ZMYM2: variants seen among roughly 807,000 people sequenced by gnomAD.
ZMYM2 encodes the protein zinc finger MYM-type protein 2.
A neutral mutation model predicts 162.8 loss-of-function variants in ZMYM2; 56 were observed. The ratio of observed to expected loss-of-function variants is 0.34; its 90% CI spans 0.28 to 0.43. The LOEUF (loss-of-function observed/expected upper bound fraction) is 0.43. Ranked by LOEUF, ZMYM2 falls within the 20% of genes least tolerant of loss-of-function variation. The probability of loss-of-function intolerance (pLI) is 1.00; values close to 1 mark genes in which losing one functional copy is unlikely to be tolerated. For missense variants in ZMYM2, 1,275 were observed against 1,621.8 expected, an observed-to-expected ratio of 0.79 and a Z score of 3.67; for synonymous variants, 510 against 541.6, an observed-to-expected ratio of 0.94 and a Z score of 0.81.
intron 3 of ZMYM2, among the ~76,000 whole-genome samples, chr13:19,997,747 CAATT>C (rs1950123588): frequency 1.3e-5 from 2 of 152,196 alleles, no homozygotes; most frequent in South Asian, 4.1e-4. Context: ...CGCTGAGAAT[CAATT>C]AATTAATAGT....
At chr13:19,911,994 A>G in the ZMYM2 span, among the ~76,000 whole-genome samples, 1 of 152,234 alleles carries the variant, frequency 6.6e-6, no homozygotes, top group Non-Finnish European at 1.5e-5. Flanking sequence ...CTGTGCCAGA[A>G]GACAGAGGAT....
At chr13:19,907,882 T>C in the ZMYM2 span, among the ~76,000 whole-genome samples, 4 of 151,620 alleles carry the variant, frequency 2.6e-5, no homozygotes, top group Non-Finnish European at 2.9e-5. Context: ...TTAGGTCTAA[T>C]AGGGCTGAGA....
chr13:19,980,138 A>T (rs1957184116), intron 2 of ZMYM2, among the ~76,000 whole-genome samples: 2 of 151,926 alleles, frequency 1.3e-5, no homozygotes, highest in Non-Finnish European at 2.9e-5. Flanking sequence ...TTAAGACTTT[A>T]TCTTGTATTA....
rs559752746 is a variant in ZMYM2, at chr13:19,969,318, C to A, written c.-11+9292C>A. Among the ~76,000 whole-genome samples the A allele has an allele frequency of 4.1e-4, 63 of 152,262 alleles. 1 individual carries two copies. The South Asian group carries it at 7.9e-3, about 19-fold the overall frequency. ...GCCAGTTCACTAGTCTTAGTTCTAG[C>A]TGATGGGAAGATAATGTGGTATAAT... On this transcript the variant is annotated intron_variant, in intron 2 of 24. Coordinates refer to ENST00000610343, the MANE Select transcript of ZMYM2 (RefSeq NM_197968.4).
chr13:20,060,401 A>T (rs185712818), intron 16 of ZMYM2, among the ~76,000 whole-genome samples: 76 of 152,246 alleles, frequency 5.0e-4, no homozygotes, highest in African/African-American at 1.8e-3. Flanking sequence ...TTTGTGGGCC[A>T]TGTGCAGTGG....
chr13:20,030,574 A>AT (rs1270700020), intron 9 of ZMYM2, among the ~76,000 whole-genome samples: 1 of 151,834 alleles, frequency 6.6e-6, no homozygotes. Context: ...AATTTTTTGT[A>AT]TTTTTAGTAG....
intron 2 of ZMYM2, among the ~76,000 whole-genome samples, chr13:19,990,437 G>A (rs1203470026): frequency 6.6e-6 from 1 of 152,084 alleles, no homozygotes; most frequent in African/African-American, 2.4e-5. Context: ...TCTTTGCCTG[G>A]AATATCCTGT....
At chr13:20,063,648 G>A (rs889832810) in intron 18 of ZMYM2, among the ~76,000 whole-genome samples, 2 of 150,230 alleles carry the variant, frequency 1.3e-5, no homozygotes, top group African/African-American at 4.9e-5. Flanking sequence ...GGGCGTGGTG[G>A]TGAGTGCCTG....
chr13:20,050,443 A>C (rs1333505580), intron 12 of ZMYM2, among the ~76,000 whole-genome samples: 3 of 152,066 alleles, frequency 2.0e-5, no homozygotes, highest in East Asian at 3.8e-4. Context: ...ACTACGAACT[A>C]CAAAATACTT....
At chr13:20,051,100 A>G (rs1955283524) in intron 12 of ZMYM2, among the ~76,000 whole-genome samples, 1 of 152,100 alleles carries the variant, frequency 6.6e-6, no homozygotes, top group African/African-American at 2.4e-5. Flanking sequence ...GTAGGAGACA[A>G]TTCTACCAGT....
intron 14 of ZMYM2, 66 bp downstream of exon 14, chr13:20,052,377 C>G: frequency 7.0e-7 from 1 of 1,430,032 alleles, no homozygotes; most frequent in Non-Finnish European, 9.5e-7. Context: ...AATAATTAGG[C>G]CAATTTAATG....
chr13:19,984,007 AT>A (rs1408314238), intron 2 of ZMYM2, among the ~76,000 whole-genome samples: 1 of 152,222 alleles, frequency 6.6e-6, no homozygotes, highest in African/African-American at 2.4e-5. Flanking sequence ...ATACTGACTT[AT>A]AATACTCTTT....
chr13:19,929,574 G>C, the ZMYM2 span, among the ~76,000 whole-genome samples: 1 of 152,124 alleles, frequency 6.6e-6, no homozygotes, highest in Non-Finnish European at 1.5e-5. Context: ...TTAATATTTA[G>C]AGATTTTTCC....
the ZMYM2 span, among the ~76,000 whole-genome samples, chr13:19,876,695 G>A: frequency 2.0e-5 from 3 of 152,036 alleles, 1 homozygote; most frequent in South Asian, 4.2e-4. Context: ...TGTACAGTTC[G>A]ATGGTACTAA....
the ZMYM2 span, among the ~76,000 whole-genome samples, chr13:19,934,550 C>A: frequency 6.6e-6 from 1 of 152,166 alleles, no homozygotes; most frequent in African/African-American, 2.4e-5. Context: ...TGTCTCTAGA[C>A]TTAGCTCCAT....
intron 19 of ZMYM2, among the ~76,000 whole-genome samples, 175 bp downstream of exon 19, chr13:20,064,720 T>C (rs1475227): frequency 0.94 from 140,809 of 150,530 alleles, 66,016 homozygotes; most frequent in East Asian, 1. Flanking sequence ...TTTATTACTA[T>C]TATTTATTAC....
At chr13:19,930,856 A>G in the ZMYM2 span, among the ~76,000 whole-genome samples, 2 of 150,570 alleles carry the variant, frequency 1.3e-5, no homozygotes, top group African/African-American at 4.9e-5. Flanking sequence ...TTAATAATTT[A>G]AGGCCGGGCG....
At chr13:19,924,910 T>C in the ZMYM2 span, among the ~76,000 whole-genome samples, 1 of 148,990 alleles carries the variant, frequency 6.7e-6, no homozygotes, top group Non-Finnish European at 1.5e-5. Context: ...TGAGATGGAG[T>C]TTTGCTCTTG....
intron 2 of ZMYM2, among the ~76,000 whole-genome samples, chr13:19,975,894 A>ATGTATGTT (rs1956743502): frequency 1.4e-5 from 2 of 144,418 alleles, no homozygotes; most frequent in East Asian, 3.9e-4. Flanking sequence ...GTATGTATGT[A>ATGTATGTT]TGTATGTATG....
Sources: allele counts gnomAD v4.1 joint callset (sites outside exome capture counted in the v4.1 genomes callset), GRCh38; gene constraint gnomAD v4.1.1; transcripts MANE v1.5; gene names NCBI Gene and HGNC (gene_info 2026-07-23, HGNC 2026-07-21).